The following CTIF variants were observed in gnomAD, a reference collection of about 807,000 sequenced individuals.
CTIF encodes cap binding complex dependent translation initiation factor.
Under a neutral mutation model 66.0 loss-of-function variants are expected in CTIF, and 21 were observed. The ratio of observed to expected loss-of-function variants is 0.32; its 90% CI spans 0.23 to 0.46. CTIF has a LOEUF of 0.46. Among genes scored for constraint, CTIF ranks in the 20% least tolerant of loss-of-function variants. The pLI, the probability that CTIF is intolerant of heterozygous loss-of-function variation, is 1.00. For synonymous variants in CTIF, 345 were observed against 326.4 expected, an observed-to-expected ratio of 1.06 and a Z score of -0.62; for missense variants, 739 against 812.7, an observed-to-expected ratio of 0.91 and a Z score of 1.10.
At chr18:48,640,624 C>A (rs561066523) in intron 3 of CTIF, among the ~76,000 whole-genome samples, 1 of 152,228 alleles carries the variant, frequency 6.6e-6, no homozygotes, top group Non-Finnish European at 1.5e-5. Flanking sequence ...CTCTTGACTG[C>A]CCACGTTGGC....
chr18:48,777,747 TG>T (rs1373623954), intron 9 of CTIF, among the ~76,000 whole-genome samples: 1 of 152,194 alleles, frequency 6.6e-6, no homozygotes. Context: ...GAAGAGGTTG[TG>T]GGAAGAGCCC....
At chr18:48,834,580 C>T (rs1302232025) in intron 10 of CTIF, 2 of 152,398 alleles carry the variant, frequency 1.3e-5, no homozygotes, top group African/African-American at 4.8e-5. Context: ...TTGCAGTTTC[C>T]CAGGTGATGC....
intron 9 of CTIF, among the ~76,000 whole-genome samples, chr18:48,787,302 G>A (rs1033221738): frequency 1.2e-4 from 18 of 152,066 alleles, no homozygotes; most frequent in African/African-American, 2.2e-4. Context: ...AAGGGGAGGC[G>A]GGGAAAGGGA....
At chr18:48,563,462 T>G (rs1237470185) in intron 1 of CTIF, among the ~76,000 whole-genome samples, 1 of 152,108 alleles carries the variant, frequency 6.6e-6, no homozygotes. Context: ...GTTCTAAGGT[T>G]TTTTTTGTTT....
At chr18:48,636,578 T>A in intron 2 of CTIF, 36 bp from the exon 3 acceptor site, 1 of 1,481,076 alleles carries the variant, frequency 6.8e-7, no homozygotes, top group Non-Finnish European at 9.0e-7. Flanking sequence ...GGCCTGGCTG[T>A]CCTGCCGTCA....
chr18:48,742,357 A>G (rs1424318856), intron 7 of CTIF, among the ~76,000 whole-genome samples: 6 of 152,184 alleles, frequency 3.9e-5, no homozygotes, highest in Non-Finnish European at 8.8e-5. Context: ...ATTCTTCTCA[A>G]GTCTTGAGGC....
At chr18:48,659,951 G>A (rs562917759) in intron 3 of CTIF, among the ~76,000 whole-genome samples, 4 of 152,222 alleles carry the variant, frequency 2.6e-5, no homozygotes, top group African/African-American at 9.6e-5. Flanking sequence ...CTGAGTTGTT[G>A]TAAGGAGTTG....
At chr18:48,621,220 G>C (rs73956960) in intron 2 of CTIF, among the ~76,000 whole-genome samples, 1 of 151,926 alleles carries the variant, frequency 6.6e-6, no homozygotes, top group Non-Finnish European at 1.5e-5. Context: ...AAATGGAACG[G>C]GGAGTGAGGA....
intron 1 of CTIF, among the ~76,000 whole-genome samples, chr18:48,552,376 T>C (rs2088905403): frequency 6.6e-6 from 1 of 152,234 alleles, no homozygotes. Flanking sequence ...TCTGGATTCC[T>C]GTGTCTTAGT....
At chr18:48,714,713 A>C (rs1268677560) in intron 7 of CTIF, among the ~76,000 whole-genome samples, 3 of 152,204 alleles carry the variant, frequency 2.0e-5, no homozygotes, top group Non-Finnish European at 4.4e-5. Flanking sequence ...GCTGTTAGCA[A>C]GCTGAATTAT....
At chr18:48,601,494 G>C (rs1460853115) in intron 1 of CTIF, among the ~76,000 whole-genome samples, 1 of 152,216 alleles carries the variant, frequency 6.6e-6, no homozygotes, top group African/African-American at 2.4e-5. Context: ...AGAGTTATAT[G>C]AGTCTGAGAA....
At chr18:48,689,935 T>C (rs564850224) in intron 6 of CTIF, among the ~76,000 whole-genome samples, 2 of 152,284 alleles carry the variant, frequency 1.3e-5, no homozygotes, top group Admixed American at 6.5e-5. Flanking sequence ...ACTTATCCCA[T>C]TTCCCCAGTC....
intron 3 of CTIF, among the ~76,000 whole-genome samples, chr18:48,654,128 G>A (rs1263635606): frequency 6.6e-6 from 1 of 152,140 alleles, no homozygotes; most frequent in Non-Finnish European, 1.5e-5. Flanking sequence ...AGACAAATGG[G>A]ATCTAACTAA....
At chr18:48,766,628 G>A (rs1333513475) in intron 9 of CTIF, among the ~76,000 whole-genome samples, 1 of 152,226 alleles carries the variant, frequency 6.6e-6, no homozygotes, top group African/African-American at 2.4e-5. Flanking sequence ...CAGAGACACC[G>A]AACTGGTTCA....
intron 10 of CTIF, among the ~76,000 whole-genome samples, chr18:48,836,331 G>A (rs2068808642): frequency 6.6e-6 from 1 of 152,170 alleles, no homozygotes; most frequent in Non-Finnish European, 1.5e-5. Context: ...GGGTCCCCAT[G>A]CTCAGCCTGG....
chr18:48,722,206 C>CTTTTTTTT (rs34736291), intron 7 of CTIF, among the ~76,000 whole-genome samples: 14 of 81,052 alleles, frequency 1.7e-4, no homozygotes, highest in East Asian at 6.8e-4. Context: ...TGGCCCTGTG[C>CTTTTTTTT]TTTTTTTTTT....
Position 48,696,558 on chromosome 18 carries a change from A to G in CTIF, c.508-15061A>G, listed in dbSNP as rs761142107. 4.6e-5 allele frequency among the ~76,000 whole-genome samples: 7 copies of G among 152,192 alleles called. No homozygotes were observed. The South Asian group carries it at 1.0e-3, about 23-fold the overall frequency. On this transcript the variant is annotated intron_variant, in intron 6 of 11. Transcript: ENST00000256413. The stretch of plus-strand genomic sequence containing the variant: ...CTTGAGCTCTCGGGACCTAGGGTCC[A>G]CTTGGACCCTTCTCTTTGCAAGCTG...
intron 3 of CTIF, among the ~76,000 whole-genome samples, chr18:48,655,684 C>T (rs765952003): frequency 3.3e-5 from 5 of 152,110 alleles, no homozygotes; most frequent in Admixed American, 6.5e-5. Flanking sequence ...TTCAGGAGGC[C>T]GGGGCTGAGG....
At chr18:48,580,197 G>C (rs1314891790) in intron 1 of CTIF, among the ~76,000 whole-genome samples, 1 of 152,214 alleles carries the variant, frequency 6.6e-6, no homozygotes, top group Non-Finnish European at 1.5e-5. Context: ...CAGAAAGCCA[G>C]AGTCTGTGGT....
Sources: allele counts gnomAD v4.1 joint callset (sites outside exome capture counted in the v4.1 genomes callset), GRCh38; gene constraint gnomAD v4.1.1; transcripts MANE v1.5; gene names NCBI Gene and HGNC (gene_info 2026-07-23, HGNC 2026-07-21).